Variants in ERBB4 observed in about 807,000 individuals in gnomAD.
The protein encoded by ERBB4 is receptor tyrosine-protein kinase erbB-4.
ERBB4 carries 42 observed loss-of-function variants against 158.0 expected under a neutral mutation model. That is an observed-to-expected ratio of 0.27 (90% CI 0.21 to 0.34). ERBB4 has a LOEUF of 0.34. ERBB4 is among the 10% of genes least tolerant of loss of function. The probability of loss-of-function intolerance (pLI) is 1.00; values close to 1 mark genes in which losing one functional copy is unlikely to be tolerated. For synonymous variants in ERBB4, 583 were observed against 558.7 expected, an observed-to-expected ratio of 1.04 and a Z score of -0.61; for missense variants, 1,333 against 1,624.1, an observed-to-expected ratio of 0.82 and a Z score of 3.08.
At chr2:212,219,227 TTTC>T (rs917216861) in intron 1 of ERBB4, among the ~76,000 whole-genome samples, 40 of 151,474 alleles carry the variant, frequency 2.6e-4, no homozygotes, top group Admixed American at 2.0e-3. Flanking sequence ...ACTAAAACCA[TTTC>T]TTATTTTGTC....
At chr2:211,816,779 T>C (rs934770970) in intron 3 of ERBB4, among the ~76,000 whole-genome samples, 1 of 151,962 alleles carries the variant, frequency 6.6e-6, no homozygotes, top group African/African-American at 2.4e-5. Context: ...GAACAAATAA[T>C]CAAAAAGTGA....
At chr2:212,360,852 T>A (rs1393952117) in intron 1 of ERBB4, among the ~76,000 whole-genome samples, 1 of 151,692 alleles carries the variant, frequency 6.6e-6, no homozygotes, top group African/African-American at 2.4e-5. Context: ...ACTTAACTAT[T>A]TGTGAGTTAA....
intron 2 of ERBB4, among the ~76,000 whole-genome samples, chr2:212,070,684 A>T (rs1385627075): frequency 6.6e-6 from 1 of 151,822 alleles, no homozygotes; most frequent in Non-Finnish European, 1.5e-5. Context: ...ATACACAGAA[A>T]ATTAACTCCA....
At chr2:212,191,991 TATATATGTTATATATA>T (rs1431504717) in intron 1 of ERBB4, among the ~76,000 whole-genome samples, 1,252 of 95,388 alleles carry the variant, frequency 0.013, 10 homozygotes, top group African/African-American at 0.024. Context: ...TGTTATATGT[TATATATGTTATATATA>T]ATATATGTTA....
intron 3 of ERBB4, among the ~76,000 whole-genome samples, chr2:211,940,106 C>G (rs1212541646): frequency 6.6e-6 from 1 of 152,050 alleles, no homozygotes. Context: ...TGATTCTAGC[C>G]CCAGCATTGT....
chr2:212,282,607 G>A (rs954688721), intron 1 of ERBB4, among the ~76,000 whole-genome samples: 1 of 151,796 alleles, frequency 6.6e-6, no homozygotes, highest in Non-Finnish European at 1.5e-5. Context: ...AAAATAATGG[G>A]ATATATTTTA....
intron 1 of ERBB4, among the ~76,000 whole-genome samples, chr2:212,476,161 A>G (rs1297325414): frequency 6.6e-6 from 1 of 151,752 alleles, no homozygotes; most frequent in Non-Finnish European, 1.5e-5. Flanking sequence ...TGTCACACAC[A>G]CACACACACA....
chr2:212,305,112 T>C (rs1199024933), intron 1 of ERBB4, among the ~76,000 whole-genome samples: 1 of 151,426 alleles, frequency 6.6e-6, no homozygotes, highest in African/African-American at 2.4e-5. Flanking sequence ...TATTATTTTA[T>C]AATGGTTGAT....
chr2:212,379,122 T>G (rs781611872), intron 1 of ERBB4, among the ~76,000 whole-genome samples: 2 of 151,768 alleles, frequency 1.3e-5, no homozygotes, highest in Non-Finnish European at 3.0e-5. Flanking sequence ...CCTTCAAACA[T>G]TAGCTGAAAT....
chr2:212,284,557 C>A (rs2085887045), intron 1 of ERBB4, among the ~76,000 whole-genome samples: 1 of 152,106 alleles, frequency 6.6e-6, no homozygotes, highest in Non-Finnish European at 1.5e-5. Context: ...ATTTCTGGGG[C>A]ATTTCCATTT....
At chr2:212,253,314 T>C (rs181598678) in intron 1 of ERBB4, among the ~76,000 whole-genome samples, 15 of 152,276 alleles carry the variant, frequency 9.9e-5, no homozygotes, top group Non-Finnish European at 1.6e-4. Context: ...AAAAATTAAA[T>C]ATTTAATAAT....
At chr2:212,496,561 T>C (rs941489021) in intron 1 of ERBB4, among the ~76,000 whole-genome samples, 1 of 152,202 alleles carries the variant, frequency 6.6e-6, no homozygotes, top group Admixed American at 6.5e-5. Flanking sequence ...TTTTAACCTT[T>C]CCTAACACAC....
intron 25 of ERBB4, among the ~76,000 whole-genome samples, chr2:211,417,512 CTAACAATAG>C (rs1352971301): frequency 2.6e-5 from 4 of 151,962 alleles, no homozygotes; most frequent in Admixed American, 2.6e-4. Context: ...AAAAGTATAT[CTAACAATAG>C]TAACAGCAGC....
intron 20 of ERBB4, among the ~76,000 whole-genome samples, chr2:211,555,207 C>T (rs1322835474): frequency 2.6e-5 from 4 of 151,366 alleles, no homozygotes; most frequent in Non-Finnish European, 5.9e-5. Flanking sequence ...TTTTTTGAGA[C>T]GGAGTTTCGC....
At chr2:211,874,361 T>C (rs2078438491) in intron 3 of ERBB4, among the ~76,000 whole-genome samples, 2 of 152,180 alleles carry the variant, frequency 1.3e-5, no homozygotes, top group African/African-American at 4.8e-5. Flanking sequence ...TCTAACTTTG[T>C]TCTTGTCTTA....
intron 1 of ERBB4, among the ~76,000 whole-genome samples, chr2:212,334,178 ATTAT>A (rs1473280811): frequency 6.6e-6 from 1 of 151,952 alleles, no homozygotes; most frequent in Non-Finnish European, 1.5e-5. Context: ...AATTCTATTA[ATTAT>A]TTATCACTCT....
At position 211,399,490 on chromosome 2, in the gene ERBB4, ATCT is replaced by A. The variant is rs370420830; in HGVS notation, c.3136-11501_3136-11499del. Among the ~76,000 whole-genome samples the A allele has an allele frequency of 4.6e-5, 7 of 152,322 alleles. No homozygotes were observed. The South Asian group carries it at 8.3e-4, about 18-fold the overall frequency. ...ATCCCTGATATTATATATGGTACAC[ATCT>A]TCTTCTGCAGATGGCTTGGGTGGAA... On this transcript the variant is annotated intron_variant, in intron 25 of 27. Coordinates refer to ENST00000342788, the MANE Select transcript of ERBB4 (RefSeq NM_005235.3).
chr2:212,092,147 T>C (rs537032226), intron 2 of ERBB4, among the ~76,000 whole-genome samples: 2 of 152,340 alleles, frequency 1.3e-5, no homozygotes, highest in African/African-American at 4.8e-5. Context: ...CTAATTATGA[T>C]CATTGTGTGT....
At chr2:211,552,170 T>C (rs567429108) in intron 20 of ERBB4, among the ~76,000 whole-genome samples, 5 of 151,970 alleles carry the variant, frequency 3.3e-5, no homozygotes, top group African/African-American at 9.7e-5. Context: ...ATTAGAAATA[T>C]GACATGGATA....
Sources: allele counts gnomAD v4.1 joint callset (sites outside exome capture counted in the v4.1 genomes callset), GRCh38; gene constraint gnomAD v4.1.1; transcripts MANE v1.5; gene names NCBI Gene and HGNC (gene_info 2026-07-23, HGNC 2026-07-21).